The following KCNH8 variants were observed in gnomAD, a reference collection of about 807,000 sequenced individuals.
KCNH8 encodes the protein voltage-gated delayed rectifier potassium channel KCNH8.
Under a neutral mutation model 103.6 loss-of-function variants are expected in KCNH8, and 70 were observed. The ratio of observed to expected loss-of-function variants is 0.68; its 90% CI spans 0.56 to 0.82. The LOEUF (loss-of-function observed/expected upper bound fraction) is 0.82. KCNH8 is among the 40% of genes least tolerant of loss of function. The pLI is 0.00. For missense variants in KCNH8, 1,217 were observed against 1,329.9 expected, an observed-to-expected ratio of 0.92 and a Z score of 1.32; for synonymous variants, 498 against 489.4, an observed-to-expected ratio of 1.02 and a Z score of -0.23.
At chr3:19,149,520 A>G (rs906669668) in intron 1 of KCNH8, among the ~76,000 whole-genome samples, 1 of 151,960 alleles carries the variant, frequency 6.6e-6, no homozygotes, top group Non-Finnish European at 1.5e-5. Context: ...AAAAAAATAG[A>G]TAGGATGTTG....
chr3:19,395,329 T>C lies in KCNH8; in HGVS notation c.1177+18T>C. On this transcript the variant is annotated intron_variant, in intron 7 of 15. Coordinates refer to ENST00000328405, the MANE Select transcript of KCNH8 (RefSeq NM_144633.3). Reference sequence around the variant, plus strand: ...GGAAGTTGGTAAGGGCTTACATTTGTCACATTTTCCATTTTTTAATTTAAA... The same window carrying C: ...GGAAGTTGGTAAGGGCTTACATTTGCCACATTTTCCATTTTTTAATTTAAA... 3.2e-6 allele frequency: 5 copies of C among 1,560,720 alleles called. No individual in the cohort carries two copies. Among genetic ancestry groups the C allele is most frequent in the Non-Finnish European group, 4.4e-6 (5 of 1,137,398 alleles).
chr3:19,368,379 C>G (rs1276744332), intron 5 of KCNH8, among the ~76,000 whole-genome samples: 1 of 151,862 alleles, frequency 6.6e-6, no homozygotes, highest in Non-Finnish European at 1.5e-5. Flanking sequence ...TAGGGCTGGT[C>G]CATACTAGTC....
At chr3:19,469,713 A>G (rs1175526921) in intron 11 of KCNH8, among the ~76,000 whole-genome samples, 2 of 152,096 alleles carry the variant, frequency 1.3e-5, no homozygotes, top group African/African-American at 4.8e-5. Context: ...GCATCTCCCG[A>G]GCCTAGTTTT....
chr3:19,511,717 A>G (rs1275832180), intron 12 of KCNH8, among the ~76,000 whole-genome samples: 1 of 152,184 alleles, frequency 6.6e-6, no homozygotes, highest in East Asian at 1.9e-4. Context: ...TAATTAAAAT[A>G]ACCATACGTA....
At chr3:19,294,673 G>C (rs2064972653) in intron 3 of KCNH8, among the ~76,000 whole-genome samples, 1 of 152,154 alleles carries the variant, frequency 6.6e-6, no homozygotes. Context: ...ATTCGCTAAT[G>C]TCTTTTTCTC....
chr3:19,149,207 G>A (rs1265211009), intron 1 of KCNH8, among the ~76,000 whole-genome samples: 1 of 152,082 alleles, frequency 6.6e-6, no homozygotes, highest in East Asian at 1.9e-4. Flanking sequence ...CTTTCTTGGA[G>A]CTTCATTCCG....
At chr3:19,497,427 G>A (rs928962298) in intron 11 of KCNH8, among the ~76,000 whole-genome samples, 3 of 152,116 alleles carry the variant, frequency 2.0e-5, no homozygotes, top group African/African-American at 7.2e-5. Flanking sequence ...GTGTCCCAAA[G>A]ATTCTGGTAT....
intron 3 of KCNH8, among the ~76,000 whole-genome samples, chr3:19,296,498 C>T (rs1393556930): frequency 6.6e-6 from 1 of 152,196 alleles, no homozygotes; most frequent in Non-Finnish European, 1.5e-5. Context: ...TTCATGCATT[C>T]CTTTCCTCTT....
At chr3:19,396,041 C>CA (rs1398142360) in intron 7 of KCNH8, among the ~76,000 whole-genome samples, 12 of 151,960 alleles carry the variant, frequency 7.9e-5, no homozygotes, top group Non-Finnish European at 1.5e-4. Flanking sequence ...CTCTCTATCC[C>CA]AAAAATCTGC....
At chr3:19,390,709 C>T (rs2125130883) in intron 6 of KCNH8, 71 bp downstream of exon 6, 5 of 1,442,754 alleles carry the variant, frequency 3.5e-6, no homozygotes, top group East Asian at 2.4e-5. Flanking sequence ...GTTTTAAATG[C>T]TTGTGGCGAT....
chr3:19,203,666 A>G (rs2063685535), intron 1 of KCNH8, among the ~76,000 whole-genome samples: 1 of 152,082 alleles, frequency 6.6e-6, no homozygotes, highest in Non-Finnish European at 1.5e-5. Flanking sequence ...TATTAGTGAC[A>G]TGGTAGTAGG....
chr3:19,180,709 G>A (rs753054631), intron 1 of KCNH8, among the ~76,000 whole-genome samples: 1 of 146,538 alleles, frequency 6.8e-6, no homozygotes, highest in Non-Finnish European at 1.5e-5. Flanking sequence ...TTGTTTGTTT[G>A]TTTGGTTTGG....
At chr3:19,315,170 G>A (rs1313640153) in intron 3 of KCNH8, among the ~76,000 whole-genome samples, 2 of 151,934 alleles carry the variant, frequency 1.3e-5, no homozygotes, top group African/African-American at 4.8e-5. Flanking sequence ...CCAGGATTGT[G>A]CAGACTTGAA....
chr3:19,246,244 ATAACT>A (rs2064202594), intron 1 of KCNH8, among the ~76,000 whole-genome samples: 1 of 150,576 alleles, frequency 6.6e-6, no homozygotes, highest in Non-Finnish European at 1.5e-5. Flanking sequence ...GAATGATTAA[ATAACT>A]TTAAGAAGTT....
intron 7 of KCNH8, among the ~76,000 whole-genome samples, chr3:19,403,436 C>A (rs1287413677): frequency 6.9e-6 from 1 of 144,382 alleles, no homozygotes; most frequent in Admixed American, 7.1e-5. Flanking sequence ...AAAGAACAAT[C>A]TTTAACTATT....
intron 3 of KCNH8, among the ~76,000 whole-genome samples, chr3:19,298,215 A>T (rs1238693782): frequency 6.6e-6 from 1 of 152,234 alleles, no homozygotes; most frequent in Non-Finnish European, 1.5e-5. Context: ...AACCTTTCTA[A>T]GGTAACATCT....
chr3:19,277,246 A>G (rs1350329628), intron 2 of KCNH8, among the ~76,000 whole-genome samples: 2 of 152,160 alleles, frequency 1.3e-5, no homozygotes, highest in Non-Finnish European at 2.9e-5. Context: ...GATATTTATT[A>G]CCACTGAACT....
intron 1 of KCNH8, among the ~76,000 whole-genome samples, chr3:19,175,360 T>C (rs1377108963): frequency 6.6e-6 from 1 of 151,620 alleles, no homozygotes; most frequent in Non-Finnish European, 1.5e-5. Flanking sequence ...TAGCTGGGAC[T>C]ACAGGCGCCC....
intron 7 of KCNH8, among the ~76,000 whole-genome samples, chr3:19,419,354 C>T (rs1393288880): frequency 2.6e-5 from 4 of 151,508 alleles, no homozygotes; most frequent in African/African-American, 9.7e-5. Context: ...CGCCCGCCAC[C>T]ACGCCCGGCT....
Sources: allele counts gnomAD v4.1 joint callset (sites outside exome capture counted in the v4.1 genomes callset), GRCh38; gene constraint gnomAD v4.1.1; transcripts MANE v1.5; gene names NCBI Gene and HGNC (gene_info 2026-07-23, HGNC 2026-07-21).